ALK: variants seen among roughly 807,000 people sequenced by gnomAD.
ALK encodes ALK tyrosine kinase receptor.
Under a neutral mutation model 163.1 loss-of-function variants are expected in ALK, and 74 were observed. That is an observed-to-expected ratio of 0.45 (90% CI 0.38 to 0.55). ALK has a LOEUF of 0.55. Among genes scored for constraint, ALK ranks in the 20% least tolerant of loss-of-function variants. The pLI is 0.00. For missense variants in ALK, 2,063 were observed against 2,105.3 expected (o/e 0.98, Z 0.39); for synonymous variants, 960 against 843.2 (o/e 1.14, Z -2.40).
intron 1 of ALK, among the ~76,000 whole-genome samples, chr2:29,885,157 G>C (rs1252294979): frequency 6.6e-6 from 1 of 152,154 alleles, no homozygotes; most frequent in Non-Finnish European, 1.5e-5. Context: ...GCTAGTAAGG[G>C]ACTACCCTTT....
chr2:29,219,254 G>A (rs935862383), intron 23 of ALK, among the ~76,000 whole-genome samples: 1 of 152,158 alleles, frequency 6.6e-6, no homozygotes, highest in Non-Finnish European at 1.5e-5. Context: ...CTCCTGCCAG[G>A]TATGCTCAGG....
At chr2:29,474,297 G>A (rs895121630) in intron 4 of ALK, among the ~76,000 whole-genome samples, 2 of 152,170 alleles carry the variant, frequency 1.3e-5, no homozygotes, top group Non-Finnish European at 2.9e-5. Context: ...TATAGGGAAA[G>A]AAGTCAAATA....
intron 12 of ALK, among the ~76,000 whole-genome samples, chr2:29,240,122 GAGA>G (rs971858948): frequency 5.4e-5 from 8 of 148,368 alleles, no homozygotes; most frequent in Admixed American, 3.3e-4. Flanking sequence ...GAAGAAGGGA[GAGA>G]AGGAGGGGAG....
In ALK at chr2:29,251,201, T is replaced by G. The variant is rs2148197507; in HGVS notation, c.2108A>C (p.Asn703Thr). The part of the protein sequence containing the change: ...PHGPTQAQCN[N>T]AYQNSNLSVE... ...GCTCAGGTTGGAGTTCTGGTAGGCG[T>G]TGTTGCACTGTGCCTGGGTGGGGCC... Residue 703 changes from asparagine to threonine, a missense_variant, in exon 12 of 29, where the codon AAC becomes ACC. Asn to Thr is a moderately conservative substitution (Grantham distance 65). Coordinates refer to ENST00000389048, the MANE Select transcript of ALK (RefSeq NM_004304.5). 6.2e-7 allele frequency: 1 copy of G among 1,614,132 alleles called. No homozygotes were observed. The highest frequency in any genetic ancestry group is 8.5e-7 in the Non-Finnish European group (1 of 1,180,014).
chr2:29,913,093 C>A (rs115037404), intron 1 of ALK, among the ~76,000 whole-genome samples: 2,070 of 152,048 alleles, frequency 0.014, 43 homozygotes, highest in African/African-American at 0.046. Flanking sequence ...GACTGCCTAC[C>A]ACTGCATGCA....
intron 4 of ALK, among the ~76,000 whole-genome samples, chr2:29,517,232 G>A (rs1672695358): frequency 6.6e-6 from 1 of 152,110 alleles, no homozygotes. Flanking sequence ...GTGACCCTCA[G>A]GAACGGGGAG....
chr2:29,767,920 G>A (rs1680908219), intron 1 of ALK, among the ~76,000 whole-genome samples: 1 of 152,272 alleles, frequency 6.6e-6, no homozygotes, highest in Admixed American at 6.5e-5. Context: ...CCAGTCTGGG[G>A]AAGTCGTGAT....
intron 4 of ALK, among the ~76,000 whole-genome samples, chr2:29,502,293 C>A (rs1672209010): frequency 6.6e-6 from 1 of 152,174 alleles, no homozygotes; most frequent in Non-Finnish European, 1.5e-5. Flanking sequence ...AAACCCCTAA[C>A]AGAGCTTTGT....
chr2:29,857,849 C>T (rs1220702902), intron 1 of ALK, among the ~76,000 whole-genome samples: 1 of 152,170 alleles, frequency 6.6e-6, no homozygotes, highest in Non-Finnish European at 1.5e-5. Flanking sequence ...TTTTGTTAAA[C>T]TTTTTATCTT....
At chr2:29,291,776 G>A (rs1666030463) in intron 9 of ALK, among the ~76,000 whole-genome samples, 1 of 152,156 alleles carries the variant, frequency 6.6e-6, no homozygotes, top group Admixed American at 6.5e-5. Context: ...AGGCTTACCG[G>A]AAATCTCTGG....
intron 4 of ALK, among the ~76,000 whole-genome samples, chr2:29,415,466 T>G (rs1669853122): frequency 6.6e-6 from 1 of 152,108 alleles, no homozygotes. Context: ...ATGCTCTCCT[T>G]AAGAACTCTT....
chr2:29,880,907 G>A (rs1666848467), intron 1 of ALK, among the ~76,000 whole-genome samples: 2 of 152,124 alleles, frequency 1.3e-5, no homozygotes, highest in Admixed American at 6.5e-5. Flanking sequence ...GAAGCTCTCT[G>A]GATTAAAGGG....
rs1047460070 is a variant in ALK at position 29,829,321 on chromosome 2, A to AG, written c.667+90671_667+90672insC. On this transcript the variant is annotated intron_variant, in intron 1 of 28. Coordinates refer to ENST00000389048, the MANE Select transcript of ALK (RefSeq NM_004304.5). ...AAAACTTAAAGTATAATAAAAAAAA[A>AG]AAAGAAAGAAAGATGAAGATGGTTA... is the stretch of plus-strand genomic sequence containing the variant. Among the ~76,000 whole-genome samples the AG allele has an allele frequency of 2.6e-5, 4 of 151,728 alleles. 1 individual carries two copies. Among genetic ancestry groups the AG allele is most frequent in the African/African-American group, 9.7e-5 (4 of 41,410 alleles).
At chr2:29,564,133 T>G (rs1377097851) in intron 3 of ALK, among the ~76,000 whole-genome samples, 1 of 152,300 alleles carries the variant, frequency 6.6e-6, no homozygotes, top group African/African-American at 2.4e-5. Context: ...CAACACCTTG[T>G]CTCTTGACTT....
intron 3 of ALK, among the ~76,000 whole-genome samples, chr2:29,662,817 C>T (rs186820705): frequency 1.3e-5 from 2 of 152,222 alleles, no homozygotes; most frequent in East Asian, 1.9e-4. Flanking sequence ...AATTTGTGTG[C>T]CTGCTTTTAT....
intron 24 of ALK, among the ~76,000 whole-genome samples, chr2:29,210,618 G>A (rs1248297447): frequency 6.6e-6 from 1 of 152,104 alleles, no homozygotes; most frequent in Non-Finnish European, 1.5e-5. Flanking sequence ...ATTTTTAGTA[G>A]AGACAGGGTT....
At chr2:29,763,039 A>G (rs893432799) in intron 1 of ALK, among the ~76,000 whole-genome samples, 2 of 149,896 alleles carry the variant, frequency 1.3e-5, no homozygotes, top group Non-Finnish European at 3.0e-5. Flanking sequence ...GTGAGCCGAG[A>G]TCGCGCCACT....
At chr2:29,202,512 C>G (rs1418079114) in intron 26 of ALK, among the ~76,000 whole-genome samples, 1 of 152,244 alleles carries the variant, frequency 6.6e-6, no homozygotes, top group Non-Finnish European at 1.5e-5. Context: ...CCACCTCCCT[C>G]TCTCTGCTCT....
At chr2:29,572,233 G>T (rs992393659) in intron 3 of ALK, among the ~76,000 whole-genome samples, 24 of 152,208 alleles carry the variant, frequency 1.6e-4, no homozygotes, top group African/African-American at 5.8e-4. Context: ...TAGTTATGAA[G>T]ATTTCTTTTC....
Sources: gnomAD v4.1 joint callset for allele counts (sites outside exome capture counted in the v4.1 genomes callset) on GRCh38, gnomAD v4.1.1 for gene constraint, MANE v1.5 for transcripts, NCBI Gene and HGNC (gene_info 2026-07-23, HGNC 2026-07-21) for gene names.